The following PDE4B variants were observed in gnomAD, a reference collection of about 807,000 sequenced individuals.
PDE4B encodes 3',5'-cyclic-AMP phosphodiesterase 4B.
In PDE4B, 20 loss-of-function variants were observed where a neutral mutation model predicts 82.2. That is an observed-to-expected ratio of 0.24 (90% CI 0.17 to 0.35). The LOEUF is 0.35. Among genes scored for constraint, PDE4B ranks in the 10% least tolerant of loss-of-function variants. PDE4B has a pLI of 1.00. For missense variants in PDE4B, 655 were observed against 907.2 expected (o/e 0.72, Z 3.57); for synonymous variants, 320 against 318.9 (o/e 1.00, Z -0.04).
intron 3 of PDE4B, among the ~76,000 whole-genome samples, chr1:66,102,555 A>T (rs1024277427): frequency 6.6e-6 from 1 of 152,062 alleles, no homozygotes; most frequent in Non-Finnish European, 1.5e-5. Flanking sequence ...TTATGAGAAA[A>T]ATCCCCGGGG....
chr1:65,872,793 C>A (rs1646588704), intron 1 of PDE4B, among the ~76,000 whole-genome samples: 1 of 152,092 alleles, frequency 6.6e-6, no homozygotes, highest in African/African-American at 2.4e-5. Context: ...TAGGACATTG[C>A]AGGTAAAGAA....
In PDE4B at chr1:65,887,186, T is replaced by TTTTCTTTCTTTC. The variant is rs766627917; in HGVS notation, c.-70-26007_-70-25996dup. ...TCCTTCCTTCCCTCCCTCCCTCCCT[T>TTTTCTTTCTTTC]TTTCTTTCTTTCTTTCTTTCTTTCT... On this transcript the variant is annotated intron_variant, in intron 1 of 16. Transcript: ENST00000341517. Among the ~76,000 whole-genome samples the TTTTCTTTCTTTC allele has an allele frequency of 5.6e-3, 338 of 60,102 alleles. 12 individuals are homozygous for TTTTCTTTCTTTC. The highest frequency in any genetic ancestry group is 0.01 in the East Asian group (19 of 1,862). The allele number at this position is 60,102 out of a possible 152,430, so 39.4% of individuals were successfully genotyped here.
At chr1:65,946,296 C>A (rs1648709332) in intron 3 of PDE4B, among the ~76,000 whole-genome samples, 1 of 151,956 alleles carries the variant, frequency 6.6e-6, no homozygotes, top group South Asian at 2.1e-4. Context: ...CTGGGGTCAC[C>A]TGATTTTATG....
chr1:66,088,403 C>T (rs1014259294), intron 3 of PDE4B, among the ~76,000 whole-genome samples: 5 of 152,046 alleles, frequency 3.3e-5, no homozygotes, highest in Non-Finnish European at 7.4e-5. Context: ...AAAGTCTAGA[C>T]AGGAGACATG....
At chr1:66,342,460 A>T (rs1276077292) in intron 8 of PDE4B, among the ~76,000 whole-genome samples, 1 of 151,950 alleles carries the variant, frequency 6.6e-6, no homozygotes, top group Non-Finnish European at 1.5e-5. Flanking sequence ...CTGTAATCCC[A>T]GCACTTTGGG....
chr1:65,801,774 TC>T (rs1475622944), intron 1 of PDE4B, among the ~76,000 whole-genome samples: 1 of 152,202 alleles, frequency 6.6e-6, no homozygotes, highest in African/African-American at 2.4e-5. Flanking sequence ...ATAATTGTTT[TC>T]CCCATTTGGA....
At chr1:65,866,458 A>G (rs1262976894) in intron 1 of PDE4B, among the ~76,000 whole-genome samples, 1 of 152,218 alleles carries the variant, frequency 6.6e-6, no homozygotes, top group Non-Finnish European at 1.5e-5. Flanking sequence ...GTCAGCAACA[A>G]CAACAATTTT....
rs146785379 is a variant in PDE4B, at chr1:66,228,210, C to T, written c.282-19250C>T. On this transcript the variant is annotated intron_variant, in intron 3 of 16. Coordinates refer to ENST00000341517, the MANE Select transcript of PDE4B (RefSeq NM_002600.4). ...TTAAATCTCTCCTGGCACTATTTCC[C>T]TTCCCTTCCTTTACCCCGGCTCATT... is the stretch of plus-strand genomic sequence containing the variant. 4.9e-4 allele frequency among the ~76,000 whole-genome samples: 74 copies of T among 152,318 alleles called. No individual in the cohort carries two copies. In the East Asian group the frequency reaches 0.014, roughly 29 times the overall value.
At chr1:65,994,167 A>C (rs1316113890) in intron 3 of PDE4B, among the ~76,000 whole-genome samples, 1 of 152,164 alleles carries the variant, frequency 6.6e-6, no homozygotes, top group African/African-American at 2.4e-5. Context: ...TAAATTGAGG[A>C]GATCTGATTT....
At chr1:65,966,560 A>G (rs941306529) in intron 3 of PDE4B, among the ~76,000 whole-genome samples, 1 of 152,226 alleles carries the variant, frequency 6.6e-6, no homozygotes, top group Non-Finnish European at 1.5e-5. Flanking sequence ...TAAATTTTAC[A>G]TGGAACCAAA....
chr1:66,039,669 T>C (rs1654257926), intron 3 of PDE4B, among the ~76,000 whole-genome samples: 1 of 152,084 alleles, frequency 6.6e-6, no homozygotes, highest in Non-Finnish European at 1.5e-5. Flanking sequence ...CGTGTTGCCT[T>C]AATTTAACTA....
chr1:65,944,959 A>G (rs1376398844), intron 3 of PDE4B, among the ~76,000 whole-genome samples: 1 of 151,968 alleles, frequency 6.6e-6, no homozygotes, highest in Admixed American at 6.6e-5. Context: ...AAGTTAACAT[A>G]TTCTCTGGGA....
chr1:65,976,747 C>G (rs1335138185), intron 3 of PDE4B, among the ~76,000 whole-genome samples: 1 of 152,178 alleles, frequency 6.6e-6, no homozygotes, highest in East Asian at 1.9e-4. Flanking sequence ...GTCTCTCCTG[C>G]CCACTTGTGG....
At chr1:65,885,171 A>T (rs552885556) in intron 1 of PDE4B, among the ~76,000 whole-genome samples, 1 of 152,316 alleles carries the variant, frequency 6.6e-6, no homozygotes, top group Admixed American at 6.5e-5. Flanking sequence ...ATACCATCTC[A>T]CACCAGTTAG....
At chr1:66,304,058 G>A (rs997588500) in intron 7 of PDE4B, among the ~76,000 whole-genome samples, 2 of 152,118 alleles carry the variant, frequency 1.3e-5, no homozygotes, top group African/African-American at 2.4e-5. Context: ...AATTCAGGAA[G>A]ATACAGAACC....
intron 1 of PDE4B, among the ~76,000 whole-genome samples, chr1:65,839,432 C>A (rs1646181943): frequency 6.6e-6 from 1 of 152,110 alleles, no homozygotes; most frequent in South Asian, 2.1e-4. Flanking sequence ...CCTCCACACC[C>A]TGACAGGCCC....
chr1:66,368,217 A>C lies in PDE4B; in HGVS notation c.1662+152A>C, dbSNP rs959083520. 4.3e-5 allele frequency: 28 copies of C among 650,068 alleles called. No individual in the cohort carries two copies. In the African/African-American group the frequency reaches 4.9e-4, roughly 11 times the overall value. 40.3% of individuals were successfully genotyped at this position (650,068 alleles called of 1,614,324 possible). On this transcript the variant is annotated intron_variant, in intron 15 of 16. Coordinates refer to ENST00000341517, the MANE Select transcript of PDE4B (RefSeq NM_002600.4). ...TTATTTTAAGAACAAGCTAAGGAAA[A>C]TGGACATTCAAGTTTATCTTCTAAT...
intron 3 of PDE4B, among the ~76,000 whole-genome samples, chr1:65,940,024 A>G (rs1256827932): frequency 6.6e-6 from 1 of 152,190 alleles, no homozygotes; most frequent in African/African-American, 2.4e-5. Context: ...AAACTATAGA[A>G]TGAGATAAAT....
chr1:66,319,902 G>A (rs1659283671), intron 7 of PDE4B, among the ~76,000 whole-genome samples: 1 of 152,068 alleles, frequency 6.6e-6, no homozygotes, highest in South Asian at 2.1e-4. Flanking sequence ...GCCAAATAAA[G>A]TCAGATTCCT....
Sources: gnomAD v4.1 joint callset for allele counts (sites outside exome capture counted in the v4.1 genomes callset) on GRCh38, gnomAD v4.1.1 for gene constraint, MANE v1.5 for transcripts, NCBI Gene and HGNC (gene_info 2026-07-23, HGNC 2026-07-21) for gene names.